The following GNAI1 variants were observed in gnomAD, a reference collection of about 807,000 sequenced individuals.
The protein encoded by GNAI1 is G protein subunit alpha i1.
GNAI1 carries 11 observed loss-of-function variants against 38.9 expected under a neutral mutation model. The observed-to-expected ratio is 0.28, with a 90% CI of 0.18 to 0.47. The LOEUF is 0.47. GNAI1 is among the 20% of genes least tolerant of loss of function. GNAI1 has a pLI of 0.99. For synonymous variants in GNAI1, 166 were observed against 145.1 expected (o/e 1.14, Z -1.04); for missense variants, 317 against 436.9 (o/e 0.73, Z 2.45).
At position 80,221,645 on chromosome 7, in the gene GNAI1, T is replaced by C. The variant is rs1404530932; in HGVS notation, c.*4152T>C. 4.0e-4 allele frequency among the ~76,000 whole-genome samples: 56 copies of C among 138,780 alleles called. No homozygotes were observed. In the South Asian group the frequency reaches 0.01, roughly 25 times the overall value. 91.0% of individuals were successfully genotyped at this position (138,780 alleles called of 152,430 possible). A position where few individuals can be genotyped will look rare whatever the true frequency, so the allele number is the denominator to read the frequency against. ...TTAGGTTGGAAATTTTCTTTTTTTT[T>C]TTTTTTTTTTTTTTTTGGTATGGAG... On this transcript the variant is annotated 3_prime_UTR_variant, in exon 8 of 8. Transcript: ENST00000649796.
chr7:80,219,989 A>G lies in GNAI1; in HGVS notation c.*2496A>G, dbSNP rs2115735867. On this transcript the variant is annotated 3_prime_UTR_variant, in exon 8 of 8. Transcript: ENST00000649796. ...TTGCTAAACTTCCTCTTAAAATGGC[A>G]TTATTAGTTAAATTCCCCACCTCCC... Among the ~76,000 whole-genome samples the G allele has an allele frequency of 6.6e-6, 1 of 152,242 alleles. No individual in the cohort carries two copies. Among genetic ancestry groups the G allele is most frequent in the East Asian group, 1.9e-4 (1 of 5,178 alleles).
At chr7:80,196,581 C>T (rs1423407577) in intron 3 of GNAI1, among the ~76,000 whole-genome samples, 1 of 151,906 alleles carries the variant, frequency 6.6e-6, no homozygotes, top group African/African-American at 2.4e-5. Flanking sequence ...ATCATTGACT[C>T]CCTAATTTGT....
In GNAI1 at chr7:80,183,034, A is replaced by G. The variant is rs965888202; in HGVS notation, c.119-5917A>G. On this transcript the variant is annotated intron_variant, in intron 1 of 7. Coordinates refer to ENST00000649796, the MANE Select transcript of GNAI1 (RefSeq NM_002069.6). ...CACAGAAACTGGGAGGCAGGATGCT[A>G]TCTCCCTTGATATTTACATTTCAAA... Among the ~76,000 whole-genome samples the G allele has an allele frequency of 9.9e-5, 15 of 152,266 alleles. No individual in the cohort carries two copies. In the East Asian group the frequency reaches 2.3e-3, roughly 24 times the overall value.
At chr7:80,217,239 T>TATGTATGAATCTGAAG in intron 7 of GNAI1, 64 bp from the exon 8 acceptor site, 1 of 1,053,132 alleles carries the variant, frequency 9.5e-7, no homozygotes, top group Non-Finnish European at 1.4e-6. Flanking sequence ...TGAAACTGAA[T>TATGTATGAATCTGAAG]TCAGTATTTT....
intron 1 of GNAI1, among the ~76,000 whole-genome samples, chr7:80,142,839 A>G (rs952250497): frequency 1.1e-4 from 6 of 52,886 alleles, no homozygotes; most frequent in Admixed American, 2.3e-4. Flanking sequence ...GATCAAAATC[A>G]TGATTCTTGG....
chr7:80,141,249 C>G (rs975158171), intron 1 of GNAI1, among the ~76,000 whole-genome samples: 3 of 152,188 alleles, frequency 2.0e-5, no homozygotes, highest in African/African-American at 7.2e-5. Flanking sequence ...AATGCATTCA[C>G]CCTCTCCCAA....
At chr7:80,169,211 T>C (rs1782369296) in intron 1 of GNAI1, among the ~76,000 whole-genome samples, 1 of 152,198 alleles carries the variant, frequency 6.6e-6, no homozygotes, top group Admixed American at 6.5e-5. Context: ...GCTTTTGCGG[T>C]GGTTTTCCAT....
At chr7:80,149,112 C>T (rs560815144) in intron 1 of GNAI1, among the ~76,000 whole-genome samples, 1 of 151,934 alleles carries the variant, frequency 6.6e-6, no homozygotes, top group Non-Finnish European at 1.5e-5. Context: ...TTTCTTTTCT[C>T]GATGTATTTT....
chr7:80,141,241 T>C (rs779908372), intron 1 of GNAI1, among the ~76,000 whole-genome samples: 1 of 152,132 alleles, frequency 6.6e-6, no homozygotes, highest in Non-Finnish European at 1.5e-5. Context: ...GCATGCAAAA[T>C]GCATTCACCC....
At chr7:80,169,551 G>C (rs1788067436) in intron 1 of GNAI1, among the ~76,000 whole-genome samples, 1 of 152,126 alleles carries the variant, frequency 6.6e-6, no homozygotes, top group Non-Finnish European at 1.5e-5. Context: ...AAGTAACCAG[G>C]TGTTAGTGTT....
chr7:80,191,896 TCA>T (rs966161311), intron 3 of GNAI1, among the ~76,000 whole-genome samples: 4 of 152,212 alleles, frequency 2.6e-5, no homozygotes, highest in African/African-American at 7.2e-5. Flanking sequence ...TATCAACATT[TCA>T]GTTTTTAACA....
chr7:80,173,196 A>C (rs1158899021), intron 1 of GNAI1, among the ~76,000 whole-genome samples: 1 of 152,180 alleles, frequency 6.6e-6, no homozygotes, highest in Admixed American at 6.5e-5. Context: ...TACAGGTGGG[A>C]TCATGAACAG....
chr7:80,138,650 A>G (rs551326000), intron 1 of GNAI1, among the ~76,000 whole-genome samples: 1 of 152,266 alleles, frequency 6.6e-6, no homozygotes, highest in South Asian at 2.1e-4. Context: ...TGTACTTATG[A>G]AATATTATTT....
At chr7:80,186,822 C>G (rs187936038) in intron 1 of GNAI1, among the ~76,000 whole-genome samples, 35 of 152,282 alleles carry the variant, frequency 2.3e-4, no homozygotes, top group Middle Eastern at 3.4e-3. Flanking sequence ...GACAGCCCCA[C>G]TGGAAACTGC....
chr7:80,213,007 C>A, intron 7 of GNAI1, 138 bp downstream of exon 7: 1 of 550,858 alleles, frequency 1.8e-6, no homozygotes, highest in South Asian at 3.4e-5. Flanking sequence ...ATTTATCAAA[C>A]TGCAGTTGAG....
chr7:80,220,490 G>A lies in GNAI1; in HGVS notation c.*2997G>A, dbSNP rs1789052926. Among the ~76,000 whole-genome samples, 1 of 152,118 alleles carries A rather than the reference G, an allele frequency of 6.6e-6. No individual in the cohort carries two copies. Among genetic ancestry groups the A allele is most frequent in the Non-Finnish European group, 1.5e-5 (1 of 68,028 alleles). On this transcript the variant is annotated 3_prime_UTR_variant, in exon 8 of 8. Transcript: ENST00000649796. ...GCATTTCTTACTTCTCCGTCTCTAGGCTTAGACCTGACCAATCCGAGTCCT... is the reference window on the plus strand; with the variant it reads ...GCATTTCTTACTTCTCCGTCTCTAGACTTAGACCTGACCAATCCGAGTCCT...
chr7:80,212,598 G>T (rs1788893091), intron 6 of GNAI1, 118 bp from the exon 7 acceptor site: 1 of 565,096 alleles, frequency 1.8e-6, no homozygotes. Context: ...ATGTATTTTT[G>T]TGATACGTAT....
intron 7 of GNAI1, among the ~76,000 whole-genome samples, chr7:80,216,438 C>T (rs1788969963): frequency 6.6e-6 from 1 of 152,170 alleles, no homozygotes; most frequent in South Asian, 2.1e-4. Context: ...TATACACCCA[C>T]TTCACATGTT....
intron 1 of GNAI1, among the ~76,000 whole-genome samples, chr7:80,182,594 A>G (rs1333838978): frequency 1.3e-5 from 2 of 152,226 alleles, no homozygotes; most frequent in South Asian, 2.1e-4. Context: ...AAGATTTTAG[A>G]TAATTACCTT....
Sources: allele counts gnomAD v4.1 joint callset (sites outside exome capture counted in the v4.1 genomes callset), GRCh38; gene constraint gnomAD v4.1.1; transcripts MANE v1.5; gene names NCBI Gene and HGNC (gene_info 2026-07-23, HGNC 2026-07-21).